KCTD8: variants seen among roughly 807,000 people sequenced by gnomAD.
The protein encoded by KCTD8 is potassium channel tetramerization domain containing 8, also known as BTB/POZ domain-containing protein KCTD8.
A neutral mutation model predicts 31.5 loss-of-function variants in KCTD8; 27 were observed. The observed-to-expected ratio is 0.86, with a 90% CI of 0.63 to 1.18. The LOEUF is 1.18. Ranked by LOEUF, KCTD8 falls within the 50% of genes most tolerant of loss-of-function variation. The probability of loss-of-function intolerance (pLI) is 0.00; values close to 1 mark genes in which losing one functional copy is unlikely to be tolerated. For missense variants in KCTD8, 658 were observed against 647.7 expected (o/e 1.02, Z -0.17); for synonymous variants, 290 against 280.0 (o/e 1.04, Z -0.36).
intron 1 of KCTD8, among the ~76,000 whole-genome samples, chr4:44,440,297 A>T (rs147503511): frequency 5.4e-4 from 82 of 152,302 alleles, no homozygotes; most frequent in African/African-American, 1.9e-3. Context: ...TTCCAAATCT[A>T]ACAACTTCAT....
At chr4:44,278,585 C>T (rs917826529) in intron 1 of KCTD8, among the ~76,000 whole-genome samples, 5 of 151,986 alleles carry the variant, frequency 3.3e-5, no homozygotes, top group South Asian at 2.1e-4. Flanking sequence ...ATTGACTCTC[C>T]GGCCTTATTC....
At chr4:44,304,612 C>T (rs905566286) in intron 1 of KCTD8, among the ~76,000 whole-genome samples, 2 of 152,084 alleles carry the variant, frequency 1.3e-5, no homozygotes, top group African/African-American at 4.8e-5. Context: ...GTAGATTAAA[C>T]TCTTATACCT....
intron 1 of KCTD8, among the ~76,000 whole-genome samples, chr4:44,212,807 G>C (rs1331932497): frequency 6.6e-6 from 1 of 151,978 alleles, no homozygotes; most frequent in African/African-American, 2.4e-5. Flanking sequence ...ATTGTAGCTG[G>C]CAATTTCAGT....
chr4:44,184,708 G>A (rs769460407), intron 1 of KCTD8, among the ~76,000 whole-genome samples: 5 of 152,172 alleles, frequency 3.3e-5, no homozygotes, highest in African/African-American at 4.8e-5. Context: ...CTCTGAATTT[G>A]TATAGTATTT....
At chr4:44,227,802 G>A (rs1483413743) in intron 1 of KCTD8, among the ~76,000 whole-genome samples, 1 of 152,034 alleles carries the variant, frequency 6.6e-6, no homozygotes, top group African/African-American at 2.4e-5. Context: ...TACAAGTACT[G>A]TCACTTTTAT....
chr4:44,299,808 G>T (rs1234153243), intron 1 of KCTD8, among the ~76,000 whole-genome samples: 2 of 137,876 alleles, frequency 1.5e-5, no homozygotes, highest in Non-Finnish European at 3.1e-5. Context: ...TCACTCTGTC[G>T]CCCAGGCCAT....
intron 1 of KCTD8, among the ~76,000 whole-genome samples, chr4:44,175,649 C>T (rs1034135512): frequency 1.3e-5 from 2 of 152,138 alleles, no homozygotes; most frequent in African/African-American, 2.4e-5. Context: ...TTGTTCTACC[C>T]ACTGCACTAG....
At chr4:44,322,140 T>C (rs972912205) in intron 1 of KCTD8, among the ~76,000 whole-genome samples, 1 of 152,024 alleles carries the variant, frequency 6.6e-6, no homozygotes, top group Non-Finnish European at 1.5e-5. Context: ...CTAAATTATA[T>C]GATACATCTA....
rs529077190 is a variant in KCTD8, at chr4:44,424,425, C to T, written c.961+23138G>A. On this transcript the variant is annotated intron_variant, in intron 1 of 1. Coordinates refer to ENST00000360029, the MANE Select transcript of KCTD8 (RefSeq NM_198353.3). Reference sequence around the variant, plus strand: ...AATGTAAACAGCCATTTTCTTTTCTCTGTCAACCAATTTCACCTCTATACT... The same window carrying T: ...AATGTAAACAGCCATTTTCTTTTCTTTGTCAACCAATTTCACCTCTATACT... Among the ~76,000 whole-genome samples the T allele has an allele frequency of 2.6e-5, 4 of 152,174 alleles. No homozygotes were observed. In the South Asian group the frequency reaches 6.2e-4, roughly 24 times the overall value.
intron 1 of KCTD8, among the ~76,000 whole-genome samples, chr4:44,320,167 T>A (rs947089508): frequency 1.7e-5 from 1 of 58,638 alleles, no homozygotes; most frequent in South Asian, 7.9e-4. Context: ...CAAGCCTCCA[T>A]CTCAAAAAAA....
chr4:44,181,671 C>T (rs368604035), intron 1 of KCTD8, among the ~76,000 whole-genome samples: 12 of 152,316 alleles, frequency 7.9e-5, no homozygotes, highest in Admixed American at 3.9e-4. Context: ...GCCGCCACCC[C>T]GTCTGGGAAG....
At chr4:44,257,934 A>G (rs532690443) in intron 1 of KCTD8, among the ~76,000 whole-genome samples, 4 of 152,136 alleles carry the variant, frequency 2.6e-5, no homozygotes, top group African/African-American at 9.6e-5. Context: ...ATTCATGGAC[A>G]GCCTCATTCT....
intron 1 of KCTD8, among the ~76,000 whole-genome samples, chr4:44,268,114 C>A (rs1224320665): frequency 1.3e-5 from 2 of 152,196 alleles, no homozygotes; most frequent in African/African-American, 2.4e-5. Flanking sequence ...AGACCAATTT[C>A]CTTGATGAAC....
chr4:44,392,101 A>G (rs1720389425), intron 1 of KCTD8, among the ~76,000 whole-genome samples: 1 of 151,872 alleles, frequency 6.6e-6, no homozygotes, highest in Non-Finnish European at 1.5e-5. Context: ...CCCTTTTTGC[A>G]TTTCTTCAAA....
chr4:44,439,350 CCCG>C (rs1479890475), intron 1 of KCTD8, among the ~76,000 whole-genome samples: 1 of 151,608 alleles, frequency 6.6e-6, no homozygotes, highest in Non-Finnish European at 1.5e-5. Context: ...TGCTTTTTTC[CCCG>C]ATAAAAGCAG....
At chr4:44,265,728 G>A (rs1030552999) in intron 1 of KCTD8, among the ~76,000 whole-genome samples, 10 of 152,260 alleles carry the variant, frequency 6.6e-5, no homozygotes, top group East Asian at 5.8e-4. Context: ...GCCAAGGCTC[G>A]AGAACTACGT....
intron 1 of KCTD8, among the ~76,000 whole-genome samples, chr4:44,398,074 A>C (rs1273150707): frequency 6.6e-6 from 1 of 152,194 alleles, no homozygotes; most frequent in Non-Finnish European, 1.5e-5. Flanking sequence ...CCTTAGGTTC[A>C]GAGAATAAAA....
At chr4:44,368,031 A>C (rs2109434320) in intron 1 of KCTD8, among the ~76,000 whole-genome samples, 1 of 152,294 alleles carries the variant, frequency 6.6e-6, no homozygotes, top group Middle Eastern at 3.4e-3. Flanking sequence ...TTTTCAGACA[A>C]CATATAGAAC....
chr4:44,334,506 C>T (rs1393836840), intron 1 of KCTD8, among the ~76,000 whole-genome samples: 1 of 151,888 alleles, frequency 6.6e-6, no homozygotes, highest in African/African-American at 2.4e-5. Context: ...TAAAGATGTA[C>T]TAACAAGGGT....
Sources: gnomAD v4.1 joint callset for allele counts (sites outside exome capture counted in the v4.1 genomes callset) on GRCh38, gnomAD v4.1.1 for gene constraint, MANE v1.5 for transcripts, NCBI Gene and HGNC (gene_info 2026-07-23, HGNC 2026-07-21) for gene names.